Variants in ROBO1 observed in about 807,000 individuals in gnomAD.
ROBO1 encodes roundabout homolog 1.
Under a neutral mutation model 195.9 loss-of-function variants are expected in ROBO1, and 149 were observed. The observed-to-expected ratio is 0.76, with a 90% confidence interval of 0.67 to 0.87. The LOEUF is 0.87. Ranked by LOEUF, ROBO1 falls within the 40% of genes least tolerant of loss-of-function variation. The probability of loss-of-function intolerance (pLI) is 0.00; values close to 1 mark genes in which losing one functional copy is unlikely to be tolerated. For missense variants in ROBO1, 1,933 were observed against 2,068.3 expected (o/e 0.93, Z 1.27); for synonymous variants, 816 against 733.2 (o/e 1.11, Z -1.82).
intron 4 of ROBO1, among the ~76,000 whole-genome samples, chr3:78,861,067 T>C (rs1050293651): frequency 6.6e-6 from 1 of 152,214 alleles, no homozygotes; most frequent in Non-Finnish European, 1.5e-5. Context: ...GAATTTCCTA[T>C]AGATATATCT....
intron 3 of ROBO1, among the ~76,000 whole-genome samples, chr3:79,042,930 T>A (rs2078515530): frequency 6.6e-6 from 1 of 152,150 alleles, no homozygotes; most frequent in African/African-American, 2.4e-5. Flanking sequence ...AAGCTCTTAA[T>A]AAACAAATTC....
At chr3:78,741,923 C>T (rs1350401068) in intron 5 of ROBO1, among the ~76,000 whole-genome samples, 2 of 152,160 alleles carry the variant, frequency 1.3e-5, no homozygotes, top group Admixed American at 6.5e-5. Flanking sequence ...AAAGACTCTC[C>T]TATCATGTAA....
intron 4 of ROBO1, among the ~76,000 whole-genome samples, chr3:78,937,678 G>A (rs1221539300): frequency 6.6e-6 from 1 of 152,046 alleles, no homozygotes; most frequent in Non-Finnish European, 1.5e-5. Flanking sequence ...CTTCTTGAGG[G>A]TAATTTCAAA....
intron 2 of ROBO1, among the ~76,000 whole-genome samples, chr3:79,457,338 A>G (rs1341529701): frequency 6.6e-6 from 1 of 152,062 alleles, no homozygotes; most frequent in Non-Finnish European, 1.5e-5. Context: ...TGTAATGAAT[A>G]TTATCTGTAT....
chr3:79,135,860 C>T lies in ROBO1; in HGVS notation c.89-10321G>A, dbSNP rs533911580. On this transcript the variant is annotated intron_variant, in intron 2 of 30. Coordinates refer to ENST00000464233, the MANE Select transcript of ROBO1 (RefSeq NM_002941.4). Reference sequence around the variant, plus strand: ...CCATGTTGGTCAGGCTGTTATCGAACTCCAGGCCTCAGGTGATCCACCCGC... The same window carrying T: ...CCATGTTGGTCAGGCTGTTATCGAATTCCAGGCCTCAGGTGATCCACCCGC... Among the ~76,000 whole-genome samples the T allele has an allele frequency of 2.6e-5, 4 of 152,300 alleles. No homozygotes were observed. In the South Asian group the frequency reaches 8.3e-4, roughly 32 times the overall value.
At chr3:79,335,664 T>A (rs976007191) in intron 2 of ROBO1, among the ~76,000 whole-genome samples, 6 of 152,292 alleles carry the variant, frequency 3.9e-5, no homozygotes, top group African/African-American at 1.4e-4. Context: ...CTCCAGCAGC[T>A]CTTTATAGCA....
chr3:78,667,060 A>G (rs962286879), intron 14 of ROBO1, among the ~76,000 whole-genome samples: 4 of 152,170 alleles, frequency 2.6e-5, no homozygotes, highest in African/African-American at 9.6e-5. Context: ...AGGTATCCAG[A>G]TATCTCTCAT....
chr3:79,499,435 T>A (rs1455996836), intron 2 of ROBO1, among the ~76,000 whole-genome samples: 1 of 152,224 alleles, frequency 6.6e-6, no homozygotes, highest in East Asian at 1.9e-4. Context: ...AAATAATACA[T>A]AAGACAATTA....
chr3:79,669,280 C>T (rs1283045383), intron 1 of ROBO1, among the ~76,000 whole-genome samples: 2 of 151,742 alleles, frequency 1.3e-5, no homozygotes, highest in African/African-American at 4.8e-5. Context: ...CTTGCTACTG[C>T]TTGCCTTATG....
chr3:79,301,054 C>T (rs562417501), intron 2 of ROBO1, among the ~76,000 whole-genome samples: 16 of 152,222 alleles, frequency 1.1e-4, no homozygotes, highest in African/African-American at 2.9e-4. Flanking sequence ...GCAACCCTCT[C>T]GGGTCACCTT....
intron 2 of ROBO1, among the ~76,000 whole-genome samples, chr3:79,263,091 C>A (rs1294680887): frequency 1.3e-5 from 2 of 152,070 alleles, no homozygotes; most frequent in African/African-American, 4.8e-5. Flanking sequence ...TTTTCATACC[C>A]TTTAGTACCA....
chr3:79,604,699 A>C lies in ROBO1; in HGVS notation c.-50-14738T>G, dbSNP rs199727259. On this transcript the variant is annotated intron_variant, in intron 1 of 30. Coordinates refer to ENST00000464233, the MANE Select transcript of ROBO1 (RefSeq NM_002941.4). Reference sequence around the variant, plus strand: ...GCTTTCTACATTCTTTGTCTTTTGCATGGCAAAATAATGCCAAAAATGTAT... The same window carrying C: ...GCTTTCTACATTCTTTGTCTTTTGCCTGGCAAAATAATGCCAAAAATGTAT... Among the ~76,000 whole-genome samples the C allele has an allele frequency of 7.2e-5, 11 of 152,134 alleles. No individual in the cohort carries two copies. In the East Asian group the frequency reaches 2.1e-3, roughly 30 times the overall value.
At chr3:78,653,558 G>A (rs1345715592) in intron 18 of ROBO1, among the ~76,000 whole-genome samples, 2 of 152,190 alleles carry the variant, frequency 1.3e-5, no homozygotes, top group African/African-American at 4.8e-5. Flanking sequence ...AATTGCCCTG[G>A]TGGCCTTCTC....
rs560606773 is a variant in ROBO1, at chr3:78,658,217, T to C, written c.2443-948A>G. On this transcript the variant is annotated intron_variant, in intron 17 of 30. Coordinates refer to ENST00000464233, the MANE Select transcript of ROBO1 (RefSeq NM_002941.4). Reference sequence around the variant, plus strand: ...GTGATCTTCTGCGATGTTTAAGAACTTGGATATGGTGCACGACAATGTTCA... The same window carrying C: ...GTGATCTTCTGCGATGTTTAAGAACCTGGATATGGTGCACGACAATGTTCA... Among the ~76,000 whole-genome samples, 9 of 152,330 alleles carry C rather than the reference T, an allele frequency of 5.9e-5. No homozygotes were observed. In the East Asian group the frequency reaches 1.2e-3, roughly 20 times the overall value.
chr3:78,613,255 A>T (rs1210441589), intron 28 of ROBO1, among the ~76,000 whole-genome samples: 1 of 152,210 alleles, frequency 6.6e-6, no homozygotes, highest in Non-Finnish European at 1.5e-5. Context: ...TATTCAATTT[A>T]GATGTGTTTA....
chr3:78,653,683 C>A (rs556520480), intron 18 of ROBO1, among the ~76,000 whole-genome samples: 59 of 152,304 alleles, frequency 3.9e-4, no homozygotes, highest in African/African-American at 1.3e-3. Context: ...AAGCAACACA[C>A]TGGGAGGTTT....
intron 4 of ROBO1, among the ~76,000 whole-genome samples, chr3:78,929,697 T>C (rs910089032): frequency 1.3e-5 from 2 of 151,392 alleles, no homozygotes; most frequent in African/African-American, 4.9e-5. Flanking sequence ...AGAGACAGGG[T>C]TTCACCATGT....
intron 2 of ROBO1, among the ~76,000 whole-genome samples, chr3:79,235,291 A>G (rs1201799811): frequency 6.6e-6 from 1 of 152,204 alleles, no homozygotes; most frequent in East Asian, 1.9e-4. Flanking sequence ...TTTTTAAAAA[A>G]GGAAAATAAG....
At chr3:78,831,974 A>G (rs568856284) in intron 4 of ROBO1, among the ~76,000 whole-genome samples, 48 of 152,340 alleles carry the variant, frequency 3.2e-4, no homozygotes, top group Non-Finnish European at 5.0e-4. Flanking sequence ...CTACAATTCA[A>G]TATGAGATTC....
Sources: gnomAD v4.1 joint callset for allele counts (sites outside exome capture counted in the v4.1 genomes callset) on GRCh38, gnomAD v4.1.1 for gene constraint, MANE v1.5 for transcripts, NCBI Gene and HGNC (gene_info 2026-07-23, HGNC 2026-07-21) for gene names.